The following TRIB1 variants were observed in gnomAD, a reference collection of about 807,000 sequenced individuals.
The protein encoded by TRIB1 is tribbles homolog 1.
TRIB1 carries 12 observed loss-of-function variants against 27.8 expected under a neutral mutation model. That is an observed-to-expected ratio of 0.43 (90% confidence interval 0.28 to 0.70). The LOEUF is 0.70. TRIB1 is among the 30% of genes least tolerant of loss of function. The pLI is 0.18. For synonymous variants in TRIB1, 230 were observed against 224.9 expected (o/e 1.02, Z -0.20); for missense variants, 475 against 515.8 (o/e 0.92, Z 0.77).
In TRIB1 at chr8:125,437,928, AG is replaced by A. The variant is rs1274672293; in HGVS notation, c.*1458del. 1.3e-5 allele frequency: 2 copies of A among 152,850 alleles called. No homozygotes were observed. The highest frequency in any genetic ancestry group is 6.5e-5 in the Admixed American group (1 of 15,290). 9.5% of individuals were successfully genotyped at this position (152,850 alleles called of 1,614,324 possible). On this transcript the variant is annotated 3_prime_UTR_variant, in exon 3 of 3. Coordinates refer to ENST00000311922, the MANE Select transcript of TRIB1 (RefSeq NM_025195.4). ...TTTGAGAAATGGCACAAAAACAGGC[AG>A]TCATCTTTAAGGGCTATGCCTAGGC...
At position 125,431,054 on chromosome 8, in the gene TRIB1, C is replaced by G. The variant is rs1214324206; in HGVS notation, c.152C>G (p.Ser51Cys). ...AAVAAKCPRLSECSSPPDYLS... is the reference protein window; with the variant it reads ...AAVAAKCPRLCECSSPPDYLS... ...GTGGCGGCCAAGTGCCCGCGCCTCT[C>G]CGAGTGCTCCAGCCCCCCGGACTAC... The change falls in exon 1 of 3, where the codon TCC becomes TGC. Residue 51 changes from serine (S) to cysteine (C), a missense_variant. Coordinates refer to ENST00000311922, the MANE Select transcript of TRIB1 (RefSeq NM_025195.4). 3 of 1,451,400 alleles carry G rather than the reference C, an allele frequency of 2.1e-6. No homozygotes were observed. In the African/African-American group the frequency reaches 4.4e-5, roughly 22 times the overall value. The allele number at this position is 1,451,400 out of a possible 1,614,324, so 89.9% of individuals were successfully genotyped here.
rs1329683563 is a variant in TRIB1 at position 125,436,830 on chromosome 8, A to G, written c.*359A>G. On this transcript the variant is annotated 3_prime_UTR_variant, in exon 3 of 3. Transcript: ENST00000311922. ...AATGGGAGAAAAAGCAAATCGCACA[A>G]TGACATATTTTGAGTAATAACCGTA... 7.1e-6 allele frequency: 2 copies of G among 282,890 alleles called. No homozygotes were observed. The highest frequency in any genetic ancestry group is 2.2e-5 in the African/African-American group (1 of 45,804). The allele number at this position is 282,890 out of a possible 1,614,324, so 17.5% of individuals were successfully genotyped here. A position where few individuals can be genotyped will look rare whatever the true frequency, so the allele number is the denominator to read the frequency against.
chr8:125,436,386 G>C lies in TRIB1; in HGVS notation c.1034G>C (p.Gly345Ala), dbSNP rs1814749998. ...HPWFESVLEP[G>A]YIDSEIGTSD... is the part of the protein sequence containing the mutation. The stretch of plus-strand genomic sequence containing the variant: ...TGGTTTGAGTCCGTCTTGGAACCCG[G>C]GTACATCGACTCAGAAATAGGAACT... The change falls in exon 3 of 3, where the codon GGG becomes GCG. Residue 345 changes from glycine to alanine, a missense_variant. Coordinates refer to ENST00000311922, the MANE Select transcript of TRIB1 (RefSeq NM_025195.4). 6.2e-7 allele frequency: 1 copy of C among 1,613,552 alleles called. No individual in the cohort carries two copies. The highest frequency in any genetic ancestry group is 2.2e-5 in the East Asian group (1 of 44,832).
chr8:125,431,148 C>G lies in TRIB1; in HGVS notation c.246C>G (p.Ser82=). The part of the protein sequence containing the change: ...PPAAPGAGGG[S]GSAPGPSRIA... ...CCGCTCCGGGGGCCGGCGGAGGCTC[C>G]GGGAGCGCGCCGGGGCCCAGCCGCA... The change falls in exon 1 of 3, where the codon TCC becomes TCG. Residue 82 remains serine, a synonymous_variant. Transcript: ENST00000311922. The G allele has an allele frequency of 7.6e-7, 1 of 1,311,140 alleles. No individual in the cohort carries two copies. The highest frequency in any genetic ancestry group is 3.1e-5 in the East Asian group (1 of 32,376). 81.2% of individuals were successfully genotyped at this position (1,311,140 alleles called of 1,614,324 possible).
rs1239439034 is a variant in TRIB1 at position 125,430,851 on chromosome 8, C to T, written c.-52C>T. On this transcript the variant is annotated 5_prime_UTR_variant, in exon 1 of 3. Transcript: ENST00000311922. ...CCGGCACCAAACCCGCAGCGTCTTC[C>T]CGCGCGGATCCCGGGACTTAAAAAG... The T allele has an allele frequency of 2.7e-5, 37 of 1,364,536 alleles. No homozygotes were observed. The highest frequency in any genetic ancestry group is 3.5e-5 in the Non-Finnish European group (37 of 1,065,180). The allele number at this position is 1,364,536 out of a possible 1,614,324, so 84.5% of individuals were successfully genotyped here.
At chr8:125,435,866 G>C in intron 2 of TRIB1, 140 bp from the exon 3 acceptor site, 1 of 681,552 alleles carries the variant, frequency 1.5e-6, no homozygotes, top group Non-Finnish European at 2.5e-6. Context: ...GGTAGTTGCA[G>C]GGCACTGCTT....
At position 125,433,589 on chromosome 8, in the gene TRIB1, C is replaced by T. The variant is rs753194054; in HGVS notation, c.633C>T (p.Phe211=). 7.5e-6 allele frequency: 12 copies of T among 1,609,280 alleles called. No individual in the cohort carries two copies. Among genetic ancestry groups the T allele is most frequent in the Middle Eastern group, 1.7e-4 (1 of 5,866 alleles). ...TGGGGGACCTGAAGCTTAGGAAGTT[C>T]GTCTTCTCCACGGAGGAGAGGTGAG... is the stretch of plus-strand genomic sequence containing the variant. The part of the protein sequence containing the change: ...IVLGDLKLRK[F]VFSTEERTQL... The change falls in exon 2 of 3, where the codon TTC becomes TTT. Residue 211 remains phenylalanine, a synonymous_variant. Coordinates refer to ENST00000311922, the MANE Select transcript of TRIB1 (RefSeq NM_025195.4). This position sits in a 1 kb window ranked among gnomAD's most constrained non-coding sequence, Gnocchi z 4.4.
At chr8:125,431,390 G>A (rs930704322) in intron 1 of TRIB1, 128 bp downstream of exon 1, 20 of 1,007,708 alleles carry the variant, frequency 2.0e-5, no homozygotes, top group Admixed American at 4.3e-5. Context: ...GGTCAGATAA[G>A]ACGCCATTTG....
In TRIB1 at chr8:125,436,623, G is replaced by A; in HGVS notation, c.*152G>A. 1 of 718,352 alleles carries A rather than the reference G, an allele frequency of 1.4e-6. No homozygotes were observed. Among genetic ancestry groups the A allele is most frequent in the Non-Finnish European group, 2.3e-6 (1 of 441,632 alleles). The allele number at this position is 718,352 out of a possible 1,614,324, so 44.5% of individuals were successfully genotyped here. On this transcript the variant is annotated 3_prime_UTR_variant, in exon 3 of 3. Transcript: ENST00000311922. Reference sequence around the variant, plus strand: ...CATGGCGCCTCCTCTTCTCTGTTGGGATGAGTGACTTTATTGATTTGAGCA... The same window carrying A: ...CATGGCGCCTCCTCTTCTCTGTTGGAATGAGTGACTTTATTGATTTGAGCA...
chr8:125,431,265 A>G lies in TRIB1; in HGVS notation c.360+3A>G. The G allele has an allele frequency of 8.0e-7, 1 of 1,255,892 alleles. No homozygotes were observed. The highest frequency in any genetic ancestry group is 1.0e-6 in the Non-Finnish European group (1 of 1,001,372). 77.8% of individuals were successfully genotyped at this position (1,255,892 alleles called of 1,614,324 possible). On this transcript the variant is annotated splice_donor_region_variant and intron_variant, in intron 1 of 2. Transcript: ENST00000311922. ...CTGGACGCGAGCTGCGCTGCAAGGT[A>G]GGCGCTCCCGGGCCAGGACCCGGCT...
Position 125,433,295 on chromosome 8 carries a change from CG to C in TRIB1, c.361-19del, listed in dbSNP as rs773144191. 7 of 1,599,758 alleles carry C rather than the reference CG, an allele frequency of 4.4e-6. No homozygotes were observed. In the Admixed American group the frequency reaches 1.0e-4, roughly 23 times the overall value. On this transcript the variant is annotated intron_variant, in intron 1 of 2. Transcript: ENST00000311922. This position sits in a 1 kb window ranked among gnomAD's most constrained non-coding sequence, Gnocchi z 4.4. ...GCCTTTGCTTTTCTAGCCCCCTAAA[CG>C]GGCCCCCCTTCTCTCTACAGGTGTT...
chr8:125,430,961 C>T lies in TRIB1; in HGVS notation c.59C>T (p.Ala20Val). Residue 20 changes from alanine to valine, a missense_variant, in exon 1 of 3, where the codon GCC becomes GTC. Coordinates refer to ENST00000311922, the MANE Select transcript of TRIB1 (RefSeq NM_025195.4). Reference protein sequence around the residue: ...MSGASQPRGPALLFPATRGVP... With the variant: ...MSGASQPRGPVLLFPATRGVP... ...GGCGCCTCGCAGCCCCGCGGCCCGGCCCTGCTCTTCCCAGCCACCCGAGGC... is the reference window on the plus strand; with the variant it reads ...GGCGCCTCGCAGCCCCGCGGCCCGGTCCTGCTCTTCCCAGCCACCCGAGGC... 1 of 1,472,506 alleles carries T rather than the reference C, an allele frequency of 6.8e-7. No homozygotes were observed. Among genetic ancestry groups the T allele is most frequent in the Non-Finnish European group, 8.9e-7 (1 of 1,119,966 alleles). 91.2% of individuals were successfully genotyped at this position (1,472,506 alleles called of 1,614,324 possible).
chr8:125,431,574 C>T (rs956213482), intron 1 of TRIB1, among the ~76,000 whole-genome samples: 6 of 152,358 alleles, frequency 3.9e-5, no homozygotes, highest in Admixed American at 2.0e-4. Flanking sequence ...CAGGGCCATG[C>T]CATTCCCCTT....
rs751939287 is a variant in TRIB1, at chr8:125,435,990, T to G, written c.654-16T>G. 1.3e-6 allele frequency: 2 copies of G among 1,596,616 alleles called. No homozygotes were observed. The highest frequency in any genetic ancestry group is 8.5e-7 in the Non-Finnish European group (1 of 1,170,470). On this transcript the variant is annotated splice_polypyrimidine_tract_variant and intron_variant, in intron 2 of 2. Transcript: ENST00000311922. ...AGCTGGTGTGGAAATAATGGCTTGGTTCCTCTCTCTTGCAGAACCCAGCTT... is the reference window on the plus strand; with the variant it reads ...AGCTGGTGTGGAAATAATGGCTTGGGTCCTCTCTCTTGCAGAACCCAGCTT...
rs967212629 is a variant in TRIB1 at position 125,433,197 on chromosome 8, A to C, written c.361-120A>C. ...AGGTGGCAGAGGAAAGGAGTAGGTG[A>C]ATGGAACTTACTCACATCCTAAGCC... is the stretch of plus-strand genomic sequence containing the variant. On this transcript the variant is annotated intron_variant, in intron 1 of 2. Coordinates refer to ENST00000311922, the MANE Select transcript of TRIB1 (RefSeq NM_025195.4). This position sits in a 1 kb window ranked among gnomAD's most constrained non-coding sequence, Gnocchi z 4.4. 1 of 1,079,006 alleles carries C rather than the reference A, an allele frequency of 9.3e-7. No individual in the cohort carries two copies. The highest frequency in any genetic ancestry group is 1.6e-5 in the African/African-American group (1 of 61,656). 66.8% of individuals were successfully genotyped at this position (1,079,006 alleles called of 1,614,324 possible). A position where few individuals can be genotyped will look rare whatever the true frequency, so the allele number is the denominator to read the frequency against.
chr8:125,433,150 G>A lies in TRIB1; in HGVS notation c.361-167G>A. The A allele has an allele frequency of 1.4e-6, 1 of 714,184 alleles. No individual in the cohort carries two copies. The highest frequency in any genetic ancestry group is 2.4e-6 in the Non-Finnish European group (1 of 421,142). 44.2% of individuals were successfully genotyped at this position (714,184 alleles called of 1,614,324 possible). Reference sequence around the variant, plus strand: ...GTTACTGGTTTTAAAGGTGTCAGGGGCAGCTGGGGCTGCGTAAGGTAAGGT... The same window carrying A: ...GTTACTGGTTTTAAAGGTGTCAGGGACAGCTGGGGCTGCGTAAGGTAAGGT... On this transcript the variant is annotated intron_variant, in intron 1 of 2. Coordinates refer to ENST00000311922, the MANE Select transcript of TRIB1 (RefSeq NM_025195.4). The surrounding 1 kb of genome is among the most constrained non-coding windows in gnomAD (Gnocchi z 4.4).
At chr8:125,432,249 G>A (rs925136143) in intron 1 of TRIB1, 1 of 982,288 alleles carries the variant, frequency 1.0e-6, no homozygotes, top group Non-Finnish European at 1.2e-6. Context: ...GCATGATCAA[G>A]CCCAGTTTAA....
rs532500282 is a variant in TRIB1 at position 125,434,678 on chromosome 8, A to G, written c.653+1069A>G. ...CTAGCTTTTGAAATCTGCATTGCAC[A>G]GGCGAATATCATGGGCATGGGGTTT... On this transcript the variant is annotated intron_variant, in intron 2 of 2. Coordinates refer to ENST00000311922, the MANE Select transcript of TRIB1 (RefSeq NM_025195.4). 1.4e-3 allele frequency among the ~76,000 whole-genome samples: 210 copies of G among 152,346 alleles called. 1 individual carries two copies. The highest frequency in any genetic ancestry group is 2.4e-3 in the Non-Finnish European group (160 of 68,038).
chr8:125,435,450 G>A (rs773540518), intron 2 of TRIB1, among the ~76,000 whole-genome samples: 22 of 152,160 alleles, frequency 1.4e-4, no homozygotes, highest in Non-Finnish European at 2.4e-4. Flanking sequence ...GGAGGACAAA[G>A]TTTGCTCTGT....
Sources: gnomAD v4.1 joint callset for allele counts (sites outside exome capture counted in the v4.1 genomes callset) on GRCh38, gnomAD v4.1.1 for gene constraint, Gnocchi (gnomAD v3.1) non-coding constraint, MANE v1.5 for transcripts, NCBI Gene and HGNC (gene_info 2026-07-23, HGNC 2026-07-21) for gene names.